The following CDH18 variants were observed in gnomAD, a reference collection of about 807,000 sequenced individuals.
CDH18 encodes cadherin-18.
Under a neutral mutation model 67.9 loss-of-function variants are expected in CDH18, and 31 were observed. The observed-to-expected ratio is 0.46, with a 90% confidence interval of 0.34 to 0.62. The LOEUF (loss-of-function observed/expected upper bound fraction) is 0.62. Among genes scored for constraint, CDH18 ranks in the 20% least tolerant of loss-of-function variants. CDH18 has a pLI of 0.01. For missense variants in CDH18, 890 were observed against 975.5 expected (o/e 0.91, Z 1.17); for synonymous variants, 362 against 347.2 (o/e 1.04, Z -0.48).
intron 3 of CDH18, among the ~76,000 whole-genome samples, chr5:19,772,897 C>A (rs1773885453): frequency 6.6e-6 from 1 of 152,064 alleles, no homozygotes; most frequent in African/African-American, 2.4e-5. Context: ...GCATCTTCTG[C>A]ATTGGTTATA....
chr5:19,716,020 T>G (rs1158375964), intron 5 of CDH18, among the ~76,000 whole-genome samples: 1 of 152,046 alleles, frequency 6.6e-6, no homozygotes, highest in African/African-American at 2.4e-5. Flanking sequence ...GATTTCACCA[T>G]GTTGGCCAGG....
At chr5:19,824,481 T>C (rs2149963572) in intron 3 of CDH18, among the ~76,000 whole-genome samples, 1 of 152,284 alleles carries the variant, frequency 6.6e-6, no homozygotes, top group South Asian at 2.1e-4. Flanking sequence ...TCCTCCCAAG[T>C]TCCCCATGCC....
At chr5:20,296,041 AT>A (rs1004832769) in intron 1 of CDH18, among the ~76,000 whole-genome samples, 7 of 148,334 alleles carry the variant, frequency 4.7e-5, no homozygotes, top group African/African-American at 1.7e-4. Flanking sequence ...CTGGCTAATT[AT>A]TTTTTGTATT....
intron 1 of CDH18, among the ~76,000 whole-genome samples, chr5:20,501,081 G>A (rs1754219620): frequency 6.6e-6 from 1 of 152,084 alleles, no homozygotes. Flanking sequence ...ATGTGAGCAT[G>A]ACATCACACA....
chr5:19,496,642 TCTCC>T (rs1742373376), intron 11 of CDH18, among the ~76,000 whole-genome samples: 2 of 151,956 alleles, frequency 1.3e-5, no homozygotes, highest in African/African-American at 4.8e-5. Context: ...GTAAACCCTG[TCTCC>T]ACTAAAAATA....
At chr5:19,544,576 C>T (rs1441860405) in intron 8 of CDH18, among the ~76,000 whole-genome samples, 2 of 151,856 alleles carry the variant, frequency 1.3e-5, no homozygotes, top group Non-Finnish European at 2.9e-5. Flanking sequence ...AATTATAGGC[C>T]ACAAATTATT....
intron 5 of CDH18, among the ~76,000 whole-genome samples, chr5:19,658,656 CTTTTTTTT>C (rs869137343): frequency 6.9e-6 from 1 of 145,368 alleles, no homozygotes; most frequent in Non-Finnish European, 1.5e-5. Context: ...TTCTTTTTTT[CTTTTTTTT>C]TTTAAATTAT....
At chr5:20,404,737 T>C (rs989119241) in intron 1 of CDH18, among the ~76,000 whole-genome samples, 2 of 152,142 alleles carry the variant, frequency 1.3e-5, no homozygotes, top group African/African-American at 4.8e-5. Flanking sequence ...TTGCCAAACG[T>C]GATATGGAGA....
intron 5 of CDH18, among the ~76,000 whole-genome samples, chr5:19,655,246 A>G (rs1233744713): frequency 1.3e-5 from 2 of 152,276 alleles, no homozygotes; most frequent in East Asian, 3.9e-4. Flanking sequence ...ATGTACATGT[A>G]TCTATATACA....
chr5:19,649,813 A>C (rs1385764622), intron 5 of CDH18, among the ~76,000 whole-genome samples: 1 of 151,874 alleles, frequency 6.6e-6, no homozygotes, highest in Non-Finnish European at 1.5e-5. Context: ...CAGGGTTCTT[A>C]TATATATGTA....
rs1580321236 is a variant in CDH18 at position 20,135,085 on chromosome 5, A to G, written c.-518+120359T>C. On this transcript the variant is annotated intron_variant, in intron 2 of 14. Coordinates refer to the CDH18 transcript ENST00000507958. ...GCCTGGAGAGAGAAACAGATCCCTT[A>G]TCCAGGCAATGAGAAAGTGCTGGTA... Among the ~76,000 whole-genome samples the G allele has an allele frequency of 2.0e-5, 3 of 152,238 alleles. No individual in the cohort carries two copies. In the East Asian group the frequency reaches 5.8e-4, roughly 29 times the overall value.
At chr5:20,242,638 A>ATATATATATGTATATATATATG (rs1743068315) in intron 2 of CDH18, among the ~76,000 whole-genome samples, 1 of 109,526 alleles carries the variant, frequency 9.1e-6, no homozygotes, top group African/African-American at 5.3e-5. Flanking sequence ...ATATATGTAT[A>ATATATATATGTATATATATATG]TATATATATA....
chr5:19,593,779 T>C (rs1745723041), intron 6 of CDH18, among the ~76,000 whole-genome samples: 1 of 149,670 alleles, frequency 6.7e-6, no homozygotes, highest in Non-Finnish European at 1.5e-5. Context: ...ATTATTGAGT[T>C]GTAGGAGTTT....
At chr5:20,224,614 T>G (rs1296255128) in intron 2 of CDH18, among the ~76,000 whole-genome samples, 1 of 152,026 alleles carries the variant, frequency 6.6e-6, no homozygotes, top group African/African-American at 2.4e-5. Context: ...TATTTTCTGC[T>G]AAATCTGCTA....
intron 2 of CDH18, among the ~76,000 whole-genome samples, chr5:19,901,526 A>C (rs1443803268): frequency 6.6e-6 from 1 of 152,112 alleles, no homozygotes; most frequent in Non-Finnish European, 1.5e-5. Flanking sequence ...CCCAAGTTTC[A>C]AAAGGTCTGG....
At chr5:20,567,663 C>T (rs2471114) in intron 1 of CDH18, among the ~76,000 whole-genome samples, 41,692 of 151,928 alleles carry the variant, frequency 0.27, 7,208 homozygotes, top group African/African-American at 0.49. Flanking sequence ...CTTTGCAACT[C>T]CATATAGTAC....
intron 2 of CDH18, among the ~76,000 whole-genome samples, chr5:19,855,670 T>G (rs1245006403): frequency 2.0e-5 from 3 of 152,164 alleles, no homozygotes; most frequent in Non-Finnish European, 2.9e-5. Flanking sequence ...AGCTCCCAGC[T>G]GTGCTTGATC....
intron 1 of CDH18, among the ~76,000 whole-genome samples, chr5:20,330,252 A>G (rs1034085527): frequency 6.6e-6 from 1 of 152,168 alleles, no homozygotes; most frequent in Non-Finnish European, 1.5e-5. Flanking sequence ...GATTAAAGGT[A>G]AATTTTTTGA....
At chr5:20,142,750 A>G (rs1750342609) in intron 2 of CDH18, among the ~76,000 whole-genome samples, 1 of 152,094 alleles carries the variant, frequency 6.6e-6, no homozygotes, top group Admixed American at 6.6e-5. Context: ...TTTCTGACAA[A>G]CCACCAGAAG....
Sources: gnomAD v4.1 joint callset for allele counts (sites outside exome capture counted in the v4.1 genomes callset) on GRCh38, gnomAD v4.1.1 for gene constraint, MANE v1.5 for transcripts, NCBI Gene and HGNC (gene_info 2026-07-23, HGNC 2026-07-21) for gene names.